PRIM2: variants seen among roughly 807,000 people sequenced by gnomAD.
PRIM2 encodes DNA primase large subunit.
In PRIM2, 39 loss-of-function variants were observed where a neutral mutation model predicts 67.3. The observed-to-expected ratio is 0.58, with a 90% CI of 0.45 to 0.76. The LOEUF (loss-of-function observed/expected upper bound fraction) is 0.76, where lower values mean the gene tolerates loss of function less well. Among genes scored for constraint, PRIM2 ranks in the 30% least tolerant of loss-of-function variants. PRIM2 has a pLI of 0.00. For synonymous variants in PRIM2, 143 were observed against 198.7 expected (o/e 0.72, Z 2.36); for missense variants, 398 against 598.7 (o/e 0.66, Z 3.50).
intron 1 of PRIM2, among the ~76,000 whole-genome samples, chr6:57,318,029 C>T (rs1767533795): frequency 6.6e-6 from 1 of 152,108 alleles, no homozygotes; most frequent in Non-Finnish European, 1.5e-5. Flanking sequence ...TCAAGTAAGA[C>T]CCTCATTTAG....
chr6:57,412,811 A>G (rs1219753021), intron 7 of PRIM2, among the ~76,000 whole-genome samples: 5 of 152,116 alleles, frequency 3.3e-5, no homozygotes, highest in East Asian at 1.9e-4. Context: ...ACAGAAATGG[A>G]AAAACAAAGG....
At chr6:57,605,638 G>A (rs1328310771) in intron 11 of PRIM2, among the ~76,000 whole-genome samples, 1 of 151,974 alleles carries the variant, frequency 6.6e-6, no homozygotes, top group Non-Finnish European at 1.5e-5. Flanking sequence ...TTTTTAATAA[G>A]CATTTTGACT....
chr6:57,395,029 A>T (rs890865722), intron 7 of PRIM2, among the ~76,000 whole-genome samples: 1 of 152,062 alleles, frequency 6.6e-6, no homozygotes, highest in African/African-American at 2.4e-5. Flanking sequence ...GATCATGGTG[A>T]TTATCTTTTT....
At chr6:57,345,301 G>A (rs9396276) in intron 5 of PRIM2, among the ~76,000 whole-genome samples, 1 of 151,736 alleles carries the variant, frequency 6.6e-6, no homozygotes. Context: ...GGAATTGCAG[G>A]CATGCGCCAC....
intron 12 of PRIM2, among the ~76,000 whole-genome samples, chr6:57,611,549 C>T (rs1776666483): frequency 6.6e-6 from 1 of 151,978 alleles, no homozygotes; most frequent in Admixed American, 6.6e-5. Flanking sequence ...CAGAACAAGT[C>T]CAGAGTTCTA....
the PRIM2 span, among the ~76,000 whole-genome samples, chr6:57,277,714 T>A: frequency 3.3e-5 from 5 of 151,908 alleles, no homozygotes; most frequent in Admixed American, 1.3e-4. Context: ...GCGCGGTGGC[T>A]TCATGCCTGT....
chr6:57,563,017 A>G (rs1190111658), intron 10 of PRIM2, among the ~76,000 whole-genome samples: 1 of 152,134 alleles, frequency 6.6e-6, no homozygotes, highest in Non-Finnish European at 1.5e-5. Flanking sequence ...AATTTTTTTC[A>G]AAAGGGGGAT....
intron 7 of PRIM2, among the ~76,000 whole-genome samples, chr6:57,470,424 TCTCC>T: frequency 2.6e-5 from 1 of 38,732 alleles, no homozygotes; most frequent in Non-Finnish European, 4.6e-5. Flanking sequence ...CCCTCTCCCC[TCTCC>T]CCCTCTCCCC....
chr6:57,629,408 C>G (rs1254530873), intron 12 of PRIM2, among the ~76,000 whole-genome samples: 2 of 152,114 alleles, frequency 1.3e-5, no homozygotes, highest in Non-Finnish European at 2.9e-5. Flanking sequence ...TTTTCATATT[C>G]GCATTTTCCC....
chr6:57,443,099 A>G lies in PRIM2; in HGVS notation c.693+60931A>G, dbSNP rs564185820. Among the ~76,000 whole-genome samples the G allele has an allele frequency of 1.4e-3, 208 of 152,314 alleles. 1 individual carries two copies. The highest frequency in any genetic ancestry group is 4.7e-3 in the African/African-American group (195 of 41,576). ...GAACACCCTTCTTTTTGTAAGGCTG[A>G]ATAGTACTCTATTGTGTATACATAC... On this transcript the variant is annotated intron_variant, in intron 7 of 13. Transcript: ENST00000615550.
At chr6:57,362,275 A>G (rs1345391738) in intron 5 of PRIM2, among the ~76,000 whole-genome samples, 2 of 152,214 alleles carry the variant, frequency 1.3e-5, no homozygotes, top group Non-Finnish European at 2.9e-5. Context: ...ATATAAATTT[A>G]GTAACACCTG....
At chr6:57,589,079 G>A (rs1179066804) in intron 10 of PRIM2, among the ~76,000 whole-genome samples, 4 of 152,188 alleles carry the variant, frequency 2.6e-5, no homozygotes, top group African/African-American at 9.7e-5. Context: ...GGAAGGAACT[G>A]AGATTCATCA....
At chr6:57,260,493 A>G in the PRIM2 span, among the ~76,000 whole-genome samples, 5 of 152,224 alleles carry the variant, frequency 3.3e-5, no homozygotes, top group African/African-American at 1.2e-4. Context: ...AGTTTTACAT[A>G]TCAGCAATTT....
chr6:57,316,890 A>C (rs1184770575), upstream of PRIM2, among the ~76,000 whole-genome samples: 1 of 152,262 alleles, frequency 6.6e-6, no homozygotes, highest in African/African-American at 2.4e-5. Context: ...TGTAGATTGC[A>C]GAGCGATTCC....
chr6:57,494,516 G>T (rs1263215242), intron 7 of PRIM2, among the ~76,000 whole-genome samples: 63 of 152,282 alleles, frequency 4.1e-4, no homozygotes, highest in African/African-American at 1.4e-3. Flanking sequence ...TTTACTAGGT[G>T]ACCTAAGTTA....
intron 7 of PRIM2, among the ~76,000 whole-genome samples, chr6:57,501,912 T>C (rs1774139869): frequency 6.6e-6 from 1 of 152,184 alleles, no homozygotes; most frequent in Non-Finnish European, 1.5e-5. Context: ...TTCTTTTAAA[T>C]GGCTGTTCAC....
chr6:57,501,218 T>G (rs1185960763), intron 7 of PRIM2, among the ~76,000 whole-genome samples: 1 of 152,240 alleles, frequency 6.6e-6, no homozygotes, highest in Non-Finnish European at 1.5e-5. Flanking sequence ...ATTTTCTGTT[T>G]GCTTTACTCT....
chr6:57,420,294 G>A (rs929642282), intron 7 of PRIM2, among the ~76,000 whole-genome samples: 2 of 152,118 alleles, frequency 1.3e-5, no homozygotes, highest in Non-Finnish European at 1.5e-5. Context: ...CACGAGGTCA[G>A]GGGTTCAAGA....
intron 7 of PRIM2, among the ~76,000 whole-genome samples, chr6:57,421,062 C>T (rs909811264): frequency 2.6e-5 from 4 of 152,144 alleles, no homozygotes; most frequent in African/African-American, 4.8e-5. Flanking sequence ...AATCTGAAAA[C>T]GAATCTTCTA....
Sources: gnomAD v4.1 joint callset for allele counts (sites outside exome capture counted in the v4.1 genomes callset) on GRCh38, gnomAD v4.1.1 for gene constraint, MANE v1.5 for transcripts, NCBI Gene and HGNC (gene_info 2026-07-23, HGNC 2026-07-21) for gene names.